The following OSBPL8 variants were observed in gnomAD, a reference collection of about 807,000 sequenced individuals.
OSBPL8 encodes oxysterol-binding protein-related protein 8.
A neutral mutation model predicts 125.5 loss-of-function variants in OSBPL8; 59 were observed. The observed-to-expected ratio is 0.47, with a 90% confidence interval of 0.38 to 0.58. OSBPL8 has a LOEUF of 0.58. Ranked by LOEUF, OSBPL8 falls within the 20% of genes least tolerant of loss-of-function variation. The probability of loss-of-function intolerance (pLI) is 0.00; values close to 1 mark genes in which losing one functional copy is unlikely to be tolerated. For missense variants in OSBPL8, 758 were observed against 1,047.8 expected, an observed-to-expected ratio of 0.72 and a Z score of 3.82; for synonymous variants, 330 against 338.9, an observed-to-expected ratio of 0.97 and a Z score of 0.29.
intron 4 of OSBPL8, among the ~76,000 whole-genome samples, chr12:76,437,297 C>T (rs1039201136): frequency 6.6e-6 from 1 of 152,102 alleles, no homozygotes. Flanking sequence ...CTTACTGACA[C>T]CTGTAATTAT....
chr12:76,375,199 A>G, intron 17 of OSBPL8, 74 bp downstream of exon 17: 2 of 979,112 alleles, frequency 2.0e-6, no homozygotes, highest in South Asian at 1.6e-5. Context: ...TAGGAAATAC[A>G]TGGTGCCCTT....
At position 76,352,988 on chromosome 12, in the gene OSBPL8, T is replaced by C. The variant is rs1951874463; in HGVS notation, c.*2901A>G. ...TATTATTGTTTAAATATACTATAGCTATATAAAAAGAAAGTAACACACAGA... is the reference window on the plus strand; with the variant it reads ...TATTATTGTTTAAATATACTATAGCCATATAAAAAGAAAGTAACACACAGA... On this transcript the variant is annotated 3_prime_UTR_variant, in exon 24 of 24. Transcript: ENST00000261183. 6.6e-6 allele frequency: 1 copy of C among 152,442 alleles called. No homozygotes were observed. The highest frequency in any genetic ancestry group is 2.4e-5 in the African/African-American group (1 of 41,426). 9.4% of individuals were successfully genotyped at this position (152,442 alleles called of 1,614,324 possible).
chr12:76,353,767 A>C lies in OSBPL8; in HGVS notation c.*2122T>G, dbSNP rs1391420983. 2 of 152,470 alleles carry C rather than the reference A, an allele frequency of 1.3e-5. No homozygotes were observed. The highest frequency in any genetic ancestry group is 2.9e-5 in the Non-Finnish European group (2 of 67,866). 9.4% of individuals were successfully genotyped at this position (152,470 alleles called of 1,614,324 possible). The stretch of plus-strand genomic sequence containing the variant: ...TTAGATGCATGCTTTTAGTGTATAA[A>C]GAACAGTCATGAATAACTCTGCTCT... On this transcript the variant is annotated 3_prime_UTR_variant, in exon 24 of 24. Transcript: ENST00000261183.
chr12:76,472,870 CTGACTGA>C (rs1208386475), intron 2 of OSBPL8, among the ~76,000 whole-genome samples: 1 of 152,180 alleles, frequency 6.6e-6, no homozygotes, highest in Non-Finnish European at 1.5e-5. Context: ...GTGGGCAGGC[CTGACTGA>C]TGTCAGGCCC....
chr12:76,425,222 A>G (rs988142477), intron 4 of OSBPL8, among the ~76,000 whole-genome samples: 7 of 152,210 alleles, frequency 4.6e-5, no homozygotes, highest in Admixed American at 2.6e-4. Context: ...ATCTTTAGAC[A>G]TGCAAGGTCT....
intron 4 of OSBPL8, among the ~76,000 whole-genome samples, chr12:76,434,457 G>T (rs886281875): frequency 1.3e-5 from 2 of 152,042 alleles, no homozygotes; most frequent in Non-Finnish European, 2.9e-5. Flanking sequence ...TGACTTTTGG[G>T]ATATGACACC....
chr12:76,552,380 C>T (rs183906260), intron 1 of OSBPL8, among the ~76,000 whole-genome samples: 2 of 140,398 alleles, frequency 1.4e-5, no homozygotes, highest in Non-Finnish European at 1.5e-5. Flanking sequence ...GAGCCAAGAT[C>T]CTGCCACTGC....
At chr12:76,470,246 G>T (rs538416384) in intron 2 of OSBPL8, among the ~76,000 whole-genome samples, 2 of 152,144 alleles carry the variant, frequency 1.3e-5, no homozygotes, top group African/African-American at 2.4e-5. Context: ...TAGGAAACCA[G>T]AAAAACTTTA....
chr12:76,356,807 T>C (rs1952005235), intron 22 of OSBPL8, 79 bp from the exon 23 acceptor site: 2 of 954,972 alleles, frequency 2.1e-6, no homozygotes, highest in South Asian at 1.6e-5. Context: ...GTAATAAAAA[T>C]TTTCCTGGGC....
chr12:76,538,381 A>G (rs1306542571), intron 1 of OSBPL8, among the ~76,000 whole-genome samples: 1 of 152,240 alleles, frequency 6.6e-6, no homozygotes, highest in Admixed American at 6.5e-5. Context: ...ATTGGAAAAC[A>G]ATTCTTAATA....
chr12:76,395,806 C>G lies in OSBPL8; in HGVS notation c.673-1077G>C, dbSNP rs144529988. On this transcript the variant is annotated intron_variant, in intron 8 of 23. Coordinates refer to ENST00000261183, the MANE Select transcript of OSBPL8 (RefSeq NM_020841.5). ...CATAGCTGTTACTATTTCTTAATCA[C>G]AAACACTGGCTTCTAAAATATTTAA... Among the ~76,000 whole-genome samples the G allele has an allele frequency of 9.7e-3, 1,480 of 152,198 alleles. 17 individuals are homozygous for G. Among genetic ancestry groups the G allele is most frequent in the Middle Eastern group, 0.054 (16 of 294 alleles).
chr12:76,466,789 T>C (rs1181955550), intron 2 of OSBPL8, among the ~76,000 whole-genome samples: 1 of 152,042 alleles, frequency 6.6e-6, no homozygotes, highest in African/African-American at 2.4e-5. Context: ...TGAAACGTCG[T>C]ATCTACTAAA....
intron 1 of OSBPL8, among the ~76,000 whole-genome samples, chr12:76,543,571 C>T (rs1260273451): frequency 6.6e-6 from 1 of 152,116 alleles, no homozygotes; most frequent in African/African-American, 2.4e-5. Context: ...TTATTATCTA[C>T]ACCAAGTATA....
At chr12:76,394,025 A>AAAAAC (rs1408921837) in intron 9 of OSBPL8, among the ~76,000 whole-genome samples, 3 of 152,312 alleles carry the variant, frequency 2.0e-5, no homozygotes, top group South Asian at 2.1e-4. Context: ...TCTCAAAAAC[A>AAAAAC]AAAACAAAAC....
At chr12:76,494,294 G>A (rs556098525) in intron 1 of OSBPL8, among the ~76,000 whole-genome samples, 8 of 152,232 alleles carry the variant, frequency 5.3e-5, no homozygotes, top group African/African-American at 1.9e-4. Flanking sequence ...GGTTTTGGTA[G>A]GAAAAGGCCC....
chr12:76,450,441 T>G (rs1873244034), intron 4 of OSBPL8, among the ~76,000 whole-genome samples: 1 of 152,204 alleles, frequency 6.6e-6, no homozygotes, highest in South Asian at 2.1e-4. Context: ...TACATTAACA[T>G]GTAATGGGTT....
chr12:76,510,933 C>G (rs1880918004), intron 1 of OSBPL8, among the ~76,000 whole-genome samples: 2 of 151,812 alleles, frequency 1.3e-5, no homozygotes, highest in South Asian at 2.1e-4. Flanking sequence ...AAGCACTGTT[C>G]TAGATTCCGG....
At chr12:76,421,743 AGT>A (rs1390490638) in intron 4 of OSBPL8, among the ~76,000 whole-genome samples, 7 of 152,056 alleles carry the variant, frequency 4.6e-5, no homozygotes, top group Non-Finnish European at 7.4e-5. Flanking sequence ...ATAATTATAT[AGT>A]GTTTAAAAAT....
chr12:76,505,923 T>C (rs1880367726), intron 1 of OSBPL8, among the ~76,000 whole-genome samples: 3 of 152,178 alleles, frequency 2.0e-5, no homozygotes, highest in South Asian at 2.1e-4. Context: ...TGAGAAATGA[T>C]AAGTTTTTAC....
Sources: allele counts gnomAD v4.1 joint callset (sites outside exome capture counted in the v4.1 genomes callset), GRCh38; gene constraint gnomAD v4.1.1; transcripts MANE v1.5; gene names NCBI Gene and HGNC (gene_info 2026-07-23, HGNC 2026-07-21).